Variants in GALNT18 observed in about 807,000 individuals in gnomAD.
The protein encoded by GALNT18 is GalNAc-transferase 18.
Under a neutral mutation model 69.5 loss-of-function variants are expected in GALNT18, and 44 were observed. The observed-to-expected ratio is 0.63, with a 90% CI of 0.50 to 0.81. The LOEUF (loss-of-function observed/expected upper bound fraction) is 0.81. Ranked by LOEUF, GALNT18 falls within the 40% of genes least tolerant of loss-of-function variation. The pLI, the probability that GALNT18 is intolerant of heterozygous loss-of-function variation, is 0.00. For synonymous variants in GALNT18, 364 were observed against 318.2 expected (o/e 1.14, Z -1.53); for missense variants, 715 against 810.0 (o/e 0.88, Z 1.42).
chr11:11,400,205 G>A (rs1022993123), intron 3 of GALNT18, among the ~76,000 whole-genome samples: 6 of 152,134 alleles, frequency 3.9e-5, no homozygotes, highest in Non-Finnish European at 5.9e-5. Flanking sequence ...ACCTTCTGAT[G>A]ACTGCAGCCC....
chr11:11,428,806 A>G (rs926138609), intron 3 of GALNT18, among the ~76,000 whole-genome samples: 1 of 152,186 alleles, frequency 6.6e-6, no homozygotes, highest in East Asian at 1.9e-4. Context: ...AATTGAATTG[A>G]ACAGAATATA....
chr11:11,507,233 G>A lies in GALNT18; in HGVS notation c.236-58297C>T, dbSNP rs531970110. ...GTCTCTCATTCATTCTAAACAAAAG[G>A]AGAAATCATTGAAACAAATATTGAC... On this transcript the variant is annotated intron_variant, in intron 1 of 10. Transcript: ENST00000227756. Among the ~76,000 whole-genome samples the A allele has an allele frequency of 1.1e-3, 171 of 152,210 alleles. 4 individuals carry two copies. The highest frequency in any genetic ancestry group is 3.9e-3 in the African/African-American group (164 of 41,542).
chr11:11,576,143 C>G (rs148608908), intron 1 of GALNT18, among the ~76,000 whole-genome samples: 68 of 152,286 alleles, frequency 4.5e-4, no homozygotes, highest in African/African-American at 1.6e-3. Flanking sequence ...GTGTGAAATC[C>G]CTAGGGCATA....
intron 9 of GALNT18, among the ~76,000 whole-genome samples, chr11:11,308,740 C>T (rs1399226941): frequency 6.6e-6 from 1 of 152,144 alleles, no homozygotes; most frequent in East Asian, 1.9e-4. Flanking sequence ...GCCCTCTGCC[C>T]ATGTTGTTCT....
intron 1 of GALNT18, among the ~76,000 whole-genome samples, chr11:11,483,241 C>A (rs905007474): frequency 2.0e-5 from 3 of 152,122 alleles, no homozygotes; most frequent in Non-Finnish European, 4.4e-5. Context: ...TCTTAGCCTG[C>A]TAAAATTCAG....
intron 10 of GALNT18, among the ~76,000 whole-genome samples, chr11:11,271,579 G>C (rs938061028): frequency 6.6e-6 from 1 of 152,206 alleles, no homozygotes; most frequent in African/African-American, 2.4e-5. Flanking sequence ...TGGTACACCT[G>C]TTTGCACCTA....
rs551206872 is a variant in GALNT18 at position 11,276,688 on chromosome 11, G to A, written c.1678-5398C>T. On this transcript the variant is annotated intron_variant, in intron 10 of 10. Transcript: ENST00000227756. ...TTATTATTTTGAGATATGTTCCATCGATACCTAGTTTATTGAGAGTGTTTG... is the reference window on the plus strand; with the variant it reads ...TTATTATTTTGAGATATGTTCCATCAATACCTAGTTTATTGAGAGTGTTTG... Among the ~76,000 whole-genome samples, 11 of 152,158 alleles carry A rather than the reference G, an allele frequency of 7.2e-5. No homozygotes were observed. The East Asian group carries it at 1.2e-3, about 16-fold the overall frequency.
chr11:11,303,352 A>G (rs759278799), intron 9 of GALNT18, among the ~76,000 whole-genome samples: 2 of 152,178 alleles, frequency 1.3e-5, no homozygotes, highest in Non-Finnish European at 2.9e-5. Context: ...GTGCATTCAC[A>G]TGACATGAAT....
At chr11:11,520,807 G>T (rs185303558) in intron 1 of GALNT18, among the ~76,000 whole-genome samples, 2 of 152,216 alleles carry the variant, frequency 1.3e-5, no homozygotes, top group African/African-American at 2.4e-5. Context: ...GGATCAGTCC[G>T]GGGAGGGGCG....
chr11:11,490,072 GTCATTCACT>G (rs1235194258), intron 1 of GALNT18, among the ~76,000 whole-genome samples: 2 of 152,262 alleles, frequency 1.3e-5, no homozygotes, highest in South Asian at 2.1e-4. Context: ...GCATCCTGGG[GTCATTCACT>G]TCATGAATGC....
At chr11:11,526,002 C>A (rs1275161448) in intron 1 of GALNT18, among the ~76,000 whole-genome samples, 1 of 152,080 alleles carries the variant, frequency 6.6e-6, no homozygotes, top group East Asian at 1.9e-4. Flanking sequence ...TTGGAAGACA[C>A]GGAAGAAACT....
chr11:11,381,866 G>A (rs759853628), intron 3 of GALNT18, among the ~76,000 whole-genome samples: 1 of 152,224 alleles, frequency 6.6e-6, no homozygotes, highest in Non-Finnish European at 1.5e-5. Context: ...TGGGCCAATG[G>A]ATGGTTGCTG....
At position 11,271,124 on chromosome 11, in the gene GALNT18, C is replaced by A. The variant is rs536007561; in HGVS notation, c.*20G>T. 1 of 1,602,012 alleles carries A rather than the reference C, an allele frequency of 6.2e-7. No individual in the cohort carries two copies. The highest frequency in any genetic ancestry group is 8.5e-7 in the Non-Finnish European group (1 of 1,170,664). On this transcript the variant is annotated 3_prime_UTR_variant, in exon 11 of 11. Coordinates refer to ENST00000227756, the MANE Select transcript of GALNT18 (RefSeq NM_198516.3). Reference sequence around the variant, plus strand: ...GTGCTACACAGTAGCAAAGAGGCAGCCGGAAGTGGCCCCGGTGGGTCAGGA... The same window carrying A: ...GTGCTACACAGTAGCAAAGAGGCAGACGGAAGTGGCCCCGGTGGGTCAGGA...
intron 6 of GALNT18, among the ~76,000 whole-genome samples, chr11:11,362,237 A>G (rs779495182): frequency 6.6e-6 from 1 of 152,328 alleles, no homozygotes; most frequent in South Asian, 2.1e-4. Context: ...AGAAGAAAAC[A>G]TAAGTGAATT....
In GALNT18 at chr11:11,309,623, A is replaced by G. The variant is rs7124820; in HGVS notation, c.1513-16430T>C. Among the ~76,000 whole-genome samples the G allele has an allele frequency of 0.66, 100,572 of 152,050 alleles. 33,462 individuals carry two copies. Among genetic ancestry groups the G allele is most frequent in the Middle Eastern group, 0.75 (221 of 294 alleles). On this transcript the variant is annotated intron_variant, in intron 9 of 10. Transcript: ENST00000227756. The surrounding 1 kb of genome is among the most constrained non-coding windows in gnomAD (Gnocchi z 4.6). ...AGGCTAGCACCACCAGAGAAAATTC[A>G]TGGAACTGGGTAAATTAAATCCACC...
chr11:11,605,261 G>C lies in GALNT18; in HGVS notation c.235+16098C>G, dbSNP rs1464736079. ...TCCCCAGGTGGCCAGCAGATAACTTGGAGTTCCAGGCTGCCCACCTTGACA... is the reference window on the plus strand; with the variant it reads ...TCCCCAGGTGGCCAGCAGATAACTTCGAGTTCCAGGCTGCCCACCTTGACA... On this transcript the variant is annotated intron_variant, in intron 1 of 10. Transcript: ENST00000227756. This position sits in a 1 kb window ranked among gnomAD's most constrained non-coding sequence, Gnocchi z 4.7. 1.3e-5 allele frequency among the ~76,000 whole-genome samples: 2 copies of C among 152,148 alleles called. No individual in the cohort carries two copies. The highest frequency in any genetic ancestry group is 6.5e-5 in the Admixed American group (1 of 15,280).
At chr11:11,292,210 C>T (rs988585618) in intron 10 of GALNT18, among the ~76,000 whole-genome samples, 16 of 152,262 alleles carry the variant, frequency 1.1e-4, no homozygotes, top group Admixed American at 2.0e-4. Flanking sequence ...CTGTTATTAA[C>T]GCTTTACCTG....
Position 11,614,197 on chromosome 11 carries a change from T to A in GALNT18, c.235+7162A>T, listed in dbSNP as rs1241533540. 6.6e-6 allele frequency among the ~76,000 whole-genome samples: 1 copy of A among 152,160 alleles called. No individual in the cohort carries two copies. The highest frequency in any genetic ancestry group is 2.4e-5 in the African/African-American group (1 of 41,426). On this transcript the variant is annotated intron_variant, in intron 1 of 10. Transcript: ENST00000227756. The surrounding 1 kb of genome is among the most constrained non-coding windows in gnomAD (Gnocchi z 5.6). Reference sequence around the variant, plus strand: ...AATTTATAAAATTATAAATTTATAATTTGGCTCATAGTTCTGCAAGCTGTT... The same window carrying A: ...AATTTATAAAATTATAAATTTATAAATTGGCTCATAGTTCTGCAAGCTGTT...
chr11:11,411,130 C>G (rs6484886), intron 3 of GALNT18, among the ~76,000 whole-genome samples: 1 of 152,134 alleles, frequency 6.6e-6, no homozygotes, highest in Non-Finnish European at 1.5e-5. Flanking sequence ...CTGGGCAACA[C>G]AGCAAGACCC....
Sources: allele counts gnomAD v4.1 joint callset (sites outside exome capture counted in the v4.1 genomes callset), GRCh38; gene constraint gnomAD v4.1.1; non-coding constraint Gnocchi (gnomAD v3.1); transcripts MANE v1.5; gene names NCBI Gene and HGNC (gene_info 2026-07-23, HGNC 2026-07-21).